The following MYO1D variants were observed in gnomAD, a reference collection of about 807,000 sequenced individuals.
The protein encoded by MYO1D is myosin ID, also known as unconventional myosin-Id.
MYO1D carries 83 observed loss-of-function variants against 122.0 expected under a neutral mutation model. That is an observed-to-expected ratio of 0.68 (90% confidence interval 0.57 to 0.82). MYO1D has a LOEUF of 0.82. Among genes scored for constraint, MYO1D ranks in the 40% least tolerant of loss-of-function variants. The pLI is 0.00. For synonymous variants in MYO1D, 464 were observed against 446.9 expected, an observed-to-expected ratio of 1.04 and a Z score of -0.48; for missense variants, 1,157 against 1,269.5, an observed-to-expected ratio of 0.91 and a Z score of 1.35.
chr17:32,543,062 T>G (rs904725843), intron 21 of MYO1D, among the ~76,000 whole-genome samples: 16 of 150,572 alleles, frequency 1.1e-4, no homozygotes, highest in African/African-American at 3.9e-4. Flanking sequence ...CCGTCTCTAC[T>G]AAAAACACAA....
intron 21 of MYO1D, among the ~76,000 whole-genome samples, chr17:32,538,562 A>C (rs1324130913): frequency 6.6e-6 from 1 of 151,844 alleles, no homozygotes; most frequent in Non-Finnish European, 1.5e-5. Flanking sequence ...GGTGTCCAAA[A>C]GCATTGGGAT....
At chr17:32,708,488 G>C (rs1468969820) in intron 16 of MYO1D, among the ~76,000 whole-genome samples, 2 of 152,020 alleles carry the variant, frequency 1.3e-5, no homozygotes, top group African/African-American at 4.8e-5. Flanking sequence ...GGAGATTCTT[G>C]TTTAAAATAA....
chr17:32,613,235 T>C (rs1264329928), intron 20 of MYO1D, among the ~76,000 whole-genome samples: 2 of 152,166 alleles, frequency 1.3e-5, no homozygotes, highest in East Asian at 3.8e-4. Context: ...CCAGGTAATT[T>C]CTATCATACT....
intron 1 of MYO1D, among the ~76,000 whole-genome samples, chr17:32,860,055 CT>C (rs1330745494): frequency 2.0e-5 from 3 of 152,114 alleles, no homozygotes; most frequent in Non-Finnish European, 4.4e-5. Flanking sequence ...TTCTGGGGGG[CT>C]TCCTAAGCAA....
At position 32,574,263 on chromosome 17, in the gene MYO1D, A is replaced by G. The variant is rs377653163; in HGVS notation, c.2864+30824T>C. ...TACAGAAGCTTGTCTTTTAGCATCTAGTATAAGTGAAGAGAATTCACATAC... is the reference window on the plus strand; with the variant it reads ...TACAGAAGCTTGTCTTTTAGCATCTGGTATAAGTGAAGAGAATTCACATAC... On this transcript the variant is annotated intron_variant, in intron 21 of 21. Coordinates refer to ENST00000318217, the MANE Select transcript of MYO1D (RefSeq NM_015194.3). 4.9e-3 allele frequency among the ~76,000 whole-genome samples: 746 copies of G among 151,990 alleles called. 9 individuals are homozygous for G. The South Asian group carries it at 0.063, about 13-fold the overall frequency.
intron 16 of MYO1D, among the ~76,000 whole-genome samples, chr17:32,678,157 A>G (rs1444205411): frequency 6.6e-6 from 1 of 152,040 alleles, no homozygotes; most frequent in African/African-American, 2.4e-5. Flanking sequence ...CCCTCTTTGA[A>G]CTTTTCCTAG....
chr17:32,671,026 C>T (rs1029887964), intron 16 of MYO1D, among the ~76,000 whole-genome samples: 1 of 152,216 alleles, frequency 6.6e-6, no homozygotes, highest in African/African-American at 2.4e-5. Flanking sequence ...CCTGAGCTGG[C>T]CCAGGGCCAT....
intron 13 of MYO1D, among the ~76,000 whole-genome samples, chr17:32,743,602 T>C (rs1407187823): frequency 1.3e-5 from 2 of 148,630 alleles, no homozygotes; most frequent in Non-Finnish European, 3.0e-5. Flanking sequence ...TGCATTATTA[T>C]TATTATTATT....
At chr17:32,526,094 G>T (rs1046567248) in intron 21 of MYO1D, among the ~76,000 whole-genome samples, 4 of 152,168 alleles carry the variant, frequency 2.6e-5, no homozygotes, top group African/African-American at 9.7e-5. Context: ...TCCAAGAAAG[G>T]TTTAACTGCC....
intron 1 of MYO1D, among the ~76,000 whole-genome samples, chr17:32,786,611 G>A (rs1295958766): frequency 6.6e-6 from 1 of 152,246 alleles, no homozygotes; most frequent in African/African-American, 2.4e-5. Flanking sequence ...CCTGAGGTCA[G>A]GAGTTTGAGA....
intron 21 of MYO1D, among the ~76,000 whole-genome samples, chr17:32,560,612 G>T (rs1189458658): frequency 1.6e-5 from 2 of 122,384 alleles, no homozygotes; most frequent in Non-Finnish European, 3.3e-5. Flanking sequence ...TCTGACTCAA[G>T]ATTAGCCGGT....
chr17:32,680,770 T>C (rs1238630361), intron 16 of MYO1D, among the ~76,000 whole-genome samples: 2 of 152,266 alleles, frequency 1.3e-5, no homozygotes, highest in Admixed American at 6.5e-5. Flanking sequence ...CCTCATAAAA[T>C]GAGTTAGGGA....
At chr17:32,854,574 G>A (rs539446265) in intron 1 of MYO1D, among the ~76,000 whole-genome samples, 1 of 152,316 alleles carries the variant, frequency 6.6e-6, no homozygotes, top group Admixed American at 6.5e-5. Flanking sequence ...TTATGCAGTG[G>A]TGACAGATTT....
intron 1 of MYO1D, among the ~76,000 whole-genome samples, chr17:32,787,422 C>CT (rs755065126): frequency 0.014 from 1,964 of 142,314 alleles, 31 homozygotes; most frequent in Admixed American, 0.035. Flanking sequence ...GGTATGTACT[C>CT]TTTTTTTTTT....
At chr17:32,573,914 C>A in intron 21 of MYO1D, among the ~76,000 whole-genome samples, 1 of 152,096 alleles carries the variant, frequency 6.6e-6, no homozygotes, top group East Asian at 1.9e-4. Context: ...TGCAGTGGCG[C>A]AATCTCGACT....
At chr17:32,668,392 T>C (rs989123498) in intron 16 of MYO1D, among the ~76,000 whole-genome samples, 2 of 152,214 alleles carry the variant, frequency 1.3e-5, no homozygotes, top group African/African-American at 4.8e-5. Context: ...ATGCCCAGCA[T>C]TCAAAACACA....
At chr17:32,678,201 A>C (rs931806079) in intron 16 of MYO1D, among the ~76,000 whole-genome samples, 2 of 152,106 alleles carry the variant, frequency 1.3e-5, no homozygotes, top group Non-Finnish European at 2.9e-5. Context: ...GTCCCAGCTT[A>C]ATAGCACCTC....
intron 21 of MYO1D, among the ~76,000 whole-genome samples, chr17:32,499,648 T>TA (rs928557146): frequency 8.7e-5 from 13 of 148,886 alleles, no homozygotes; most frequent in South Asian, 6.4e-4. Flanking sequence ...AATAAAAAAA[T>TA]AAAAAAAAAT....
intron 21 of MYO1D, among the ~76,000 whole-genome samples, chr17:32,578,042 G>A (rs995267699): frequency 3.3e-5 from 5 of 152,132 alleles, no homozygotes; most frequent in African/African-American, 1.2e-4. Flanking sequence ...CCCAGCCTCA[G>A]AAACATATTT....
Sources: allele counts gnomAD v4.1 joint callset (sites outside exome capture counted in the v4.1 genomes callset), GRCh38; gene constraint gnomAD v4.1.1; transcripts MANE v1.5; gene names NCBI Gene and HGNC (gene_info 2026-07-23, HGNC 2026-07-21).